Variants in LEF1 observed in about 807,000 individuals in gnomAD.
LEF1 encodes the protein lymphoid enhancer binding factor 1.
LEF1 carries 14 observed loss-of-function variants against 51.2 expected under a neutral mutation model. The ratio of observed to expected loss-of-function variants is 0.27; its 90% CI spans 0.18 to 0.43. The LOEUF (loss-of-function observed/expected upper bound fraction) is 0.43. Among genes scored for constraint, LEF1 ranks in the 20% least tolerant of loss-of-function variants. LEF1 has a pLI of 1.00. For missense variants in LEF1, 386 were observed against 512.0 expected (o/e 0.75, Z 2.37); for synonymous variants, 185 against 183.2 (o/e 1.01, Z -0.08).
chr4:108,133,229 C>G (rs1743021413), intron 3 of LEF1, among the ~76,000 whole-genome samples: 1 of 152,184 alleles, frequency 6.6e-6, no homozygotes, highest in Non-Finnish European at 1.5e-5. Context: ...GCCCCAGCAT[C>G]TGCAACAAGT....
intron 3 of LEF1, among the ~76,000 whole-genome samples, chr4:108,120,187 ACC>A (rs1742089052): frequency 6.6e-6 from 1 of 151,550 alleles, no homozygotes; most frequent in African/African-American, 2.4e-5. Flanking sequence ...ATGTGCCACC[ACC>A]CCCAGATAAT....
intron 9 of LEF1, 77 bp downstream of exon 9, chr4:108,070,586 A>T: frequency 2.0e-6 from 2 of 979,436 alleles, no homozygotes; most frequent in Non-Finnish European, 3.3e-6. Context: ...ATATACACCT[A>T]AAACACATTT....
At chr4:108,085,898 C>T (rs972820694) in intron 4 of LEF1, among the ~76,000 whole-genome samples, 1 of 152,164 alleles carries the variant, frequency 6.6e-6, no homozygotes, top group East Asian at 1.9e-4. Context: ...TTATATACTG[C>T]TTGGAGAAAA....
At chr4:108,134,198 T>C (rs1311697937) in intron 3 of LEF1, among the ~76,000 whole-genome samples, 1 of 152,174 alleles carries the variant, frequency 6.6e-6, no homozygotes, top group East Asian at 1.9e-4. Flanking sequence ...TCACATATCT[T>C]TCAATTCCAA....
chr4:108,134,015 A>G (rs569175414), intron 3 of LEF1, among the ~76,000 whole-genome samples: 10 of 151,858 alleles, frequency 6.6e-5, no homozygotes, highest in African/African-American at 2.2e-4. Context: ...TGTGTTTTAT[A>G]CTCTCCCCAG....
At chr4:108,090,085 A>G (rs1034074849) in intron 3 of LEF1, among the ~76,000 whole-genome samples, 5 of 151,758 alleles carry the variant, frequency 3.3e-5, no homozygotes, top group Non-Finnish European at 5.9e-5. Context: ...GGTTCAAGTG[A>G]TTCTCCTGCC....
intron 3 of LEF1, among the ~76,000 whole-genome samples, chr4:108,094,167 C>T (rs1230203390): frequency 1.3e-5 from 2 of 152,206 alleles, no homozygotes; most frequent in Non-Finnish European, 2.9e-5. Flanking sequence ...TGGGCCACAC[C>T]TGAGAGCATG....
intron 3 of LEF1, among the ~76,000 whole-genome samples, chr4:108,132,895 C>G (rs1005910578): frequency 6.6e-6 from 1 of 151,660 alleles, no homozygotes; most frequent in Non-Finnish European, 1.5e-5. Flanking sequence ...TGTCTCCAAC[C>G]CCTGGGTTCA....
chr4:108,104,224 G>A (rs1221244357), intron 3 of LEF1, among the ~76,000 whole-genome samples: 1 of 151,778 alleles, frequency 6.6e-6, no homozygotes, highest in African/African-American at 2.4e-5. Flanking sequence ...TAGTAACAAA[G>A]TAGATGAGGG....
At chr4:108,159,685 C>G (rs563731771) in intron 3 of LEF1, among the ~76,000 whole-genome samples, 1 of 152,048 alleles carries the variant, frequency 6.6e-6, no homozygotes, top group South Asian at 2.1e-4. Flanking sequence ...TAAGCAAGTA[C>G]AAATATGCAG....
Position 108,079,564 on chromosome 4 carries a change from A to T in LEF1, c.773T>A (p.Ile258Asn), listed in dbSNP as rs1739149618. The T allele has an allele frequency of 6.2e-7, 1 of 1,613,804 alleles. No individual in the cohort carries two copies. The highest frequency in any genetic ancestry group is 1.3e-5 in the African/African-American group (1 of 74,912). The change falls in exon 7 of 12, where the codon ATC becomes AAC. Residue 258 changes from isoleucine (I) to asparagine (N), a missense_variant. Physicochemically the swap from Ile to Asn is moderately radical, Grantham distance 149. Transcript: ENST00000265165. ...PGPPGPHTTG[I>N]PHPAIVTPQV... ...AGGTGTTACAATAGCTGGATGAGGG[A>T]TGCCAGTTGTGTGGGGACCAGGAGG...
chr4:108,110,525 A>G (rs1223349852), intron 3 of LEF1, among the ~76,000 whole-genome samples: 1 of 152,186 alleles, frequency 6.6e-6, no homozygotes, highest in African/African-American at 2.4e-5. Flanking sequence ...CACTAAAGAG[A>G]CAGACATATC....
chr4:108,097,388 A>G (rs1740465448), intron 3 of LEF1, among the ~76,000 whole-genome samples: 1 of 152,334 alleles, frequency 6.6e-6, no homozygotes, highest in East Asian at 1.9e-4. Flanking sequence ...AAAAATTAAA[A>G]CAGTTGAACT....
At chr4:108,139,307 C>T (rs1326059745) in intron 3 of LEF1, among the ~76,000 whole-genome samples, 1 of 152,196 alleles carries the variant, frequency 6.6e-6, no homozygotes, top group East Asian at 1.9e-4. Flanking sequence ...GTTTTCAAAA[C>T]AATGAATCAT....
intron 1 of LEF1, chr4:108,166,187 G>A: frequency 7.2e-7 from 1 of 1,397,850 alleles, no homozygotes; most frequent in South Asian, 1.4e-5. Flanking sequence ...CCCGCCCCCA[G>A]CCCGCTCAAA....
chr4:108,136,465 CT>C (rs3034771), intron 3 of LEF1, among the ~76,000 whole-genome samples: 41,124 of 140,658 alleles, frequency 0.29, 6,225 homozygotes, highest in East Asian at 0.64. Flanking sequence ...CTTAAATTTC[CT>C]TTTTTTTTTT....
At chr4:108,102,783 G>C (rs568841294) in intron 3 of LEF1, among the ~76,000 whole-genome samples, 141 of 152,260 alleles carry the variant, frequency 9.3e-4, no homozygotes, top group African/African-American at 3.2e-3. Context: ...ATCTTTGGCA[G>C]TGTGGTATAG....
rs1052142520 is a variant in LEF1, at chr4:108,162,257, T to C, written c.414+1311A>G. Reference sequence around the variant, plus strand: ...ACCCCAAGATCTCCACTTTAACTACTATATAAAAATTAGAAAAAGCTTATT... The same window carrying C: ...ACCCCAAGATCTCCACTTTAACTACCATATAAAAATTAGAAAAAGCTTATT... On this transcript the variant is annotated intron_variant, in intron 3 of 11. Transcript: ENST00000265165. Among the ~76,000 whole-genome samples, 7 of 152,296 alleles carry C rather than the reference T, an allele frequency of 4.6e-5. No individual in the cohort carries two copies. The East Asian group carries it at 5.8e-4, about 13-fold the overall frequency.
chr4:108,082,891 A>T (rs6820148), intron 5 of LEF1, among the ~76,000 whole-genome samples: 3 of 152,212 alleles, frequency 2.0e-5, no homozygotes, highest in African/African-American at 7.2e-5. Context: ...CTTCATTAAC[A>T]TCCAAAAAAT....
Sources: allele counts gnomAD v4.1 joint callset (sites outside exome capture counted in the v4.1 genomes callset), GRCh38; gene constraint gnomAD v4.1.1; transcripts MANE v1.5; gene names NCBI Gene and HGNC (gene_info 2026-07-23, HGNC 2026-07-21).